DDAH1: variants seen among roughly 807,000 people sequenced by gnomAD.
DDAH1 encodes the protein dimethylarginine dimethylaminohydrolase 1, also known as N(G),N(G)-dimethylarginine dimethylaminohydrolase 1.
A neutral mutation model predicts 28.8 loss-of-function variants in DDAH1; 19 were observed. That is an observed-to-expected ratio of 0.66 (90% confidence interval 0.46 to 0.97). DDAH1 has a LOEUF of 0.97. DDAH1 is among the 50% of genes least tolerant of loss of function. The pLI is 0.00. For missense variants in DDAH1, 326 were observed against 375.9 expected (o/e 0.87, Z 1.10); for synonymous variants, 153 against 154.4 (o/e 0.99, Z 0.07).
chr1:85,519,147 G>T (rs1187475493), intron 1 of DDAH1, among the ~76,000 whole-genome samples: 1 of 137,916 alleles, frequency 7.3e-6, no homozygotes. Flanking sequence ...AGGCTGGAGT[G>T]CAGTGGCATG....
At chr1:85,332,551 TGGGCCCATG>T (rs1423706623) in intron 4 of DDAH1, among the ~76,000 whole-genome samples, 1 of 152,162 alleles carries the variant, frequency 6.6e-6, no homozygotes, top group African/African-American at 2.4e-5. Context: ...CACCACAGCC[TGGGCCCATG>T]GGCCCCATGG....
intron 1 of DDAH1, among the ~76,000 whole-genome samples, chr1:85,386,699 G>A (rs1039971485): frequency 6.6e-6 from 1 of 152,094 alleles, no homozygotes; most frequent in African/African-American, 2.4e-5. Context: ...ACCCCAGTGG[G>A]GACTCTGTGT....
chr1:85,552,506 G>C (rs577906429), intron 1 of DDAH1, among the ~76,000 whole-genome samples: 1 of 152,098 alleles, frequency 6.6e-6, no homozygotes, highest in African/African-American at 2.4e-5. Flanking sequence ...GTCCAACGAA[G>C]TCTAGCATAA....
chr1:85,459,107 G>T (rs1655021640), intron 1 of DDAH1, among the ~76,000 whole-genome samples: 1 of 152,222 alleles, frequency 6.6e-6, no homozygotes, highest in Non-Finnish European at 1.5e-5. Flanking sequence ...AAATCTGTTT[G>T]TTGAAAAGTT....
intron 4 of DDAH1, among the ~76,000 whole-genome samples, chr1:85,334,964 T>C (rs992306040): frequency 6.6e-6 from 1 of 152,120 alleles, no homozygotes; most frequent in Non-Finnish European, 1.5e-5. Context: ...AAGGACAAAT[T>C]CAGAGTTTCC....
rs866135588 is a variant in DDAH1, at chr1:85,401,558, C to T, written c.304-42711G>A. On this transcript the variant is annotated intron_variant, in intron 1 of 5. Transcript: ENST00000284031. ...TCTATTGCCCATGCTGGAGTACAGT[C>T]GCATGACCAAGGTTCACTGTCACCT... Among the ~76,000 whole-genome samples the T allele has an allele frequency of 4.3e-5, 6 of 140,220 alleles. No individual in the cohort carries two copies. The Admixed American group carries it at 4.6e-4, about 11-fold the overall frequency. The allele number at this position is 140,220 out of a possible 152,430, so 92.0% of individuals were successfully genotyped here.
intron 1 of DDAH1, among the ~76,000 whole-genome samples, chr1:85,457,737 C>T (rs1654953131): frequency 6.6e-6 from 1 of 152,166 alleles, no homozygotes; most frequent in African/African-American, 2.4e-5. Flanking sequence ...TTGCCCAGGC[C>T]GGAGTGCTGT....
chr1:85,331,438 T>TAA (rs1553122422), intron 4 of DDAH1, among the ~76,000 whole-genome samples: 6 of 151,284 alleles, frequency 4.0e-5, no homozygotes, highest in Non-Finnish European at 8.8e-5. Context: ...TATATATATA[T>TAA]AACATAATGT....
intron 1 of DDAH1, among the ~76,000 whole-genome samples, chr1:85,554,862 C>T (rs1463896043): frequency 6.6e-6 from 1 of 152,228 alleles, no homozygotes; most frequent in Non-Finnish European, 1.5e-5. Flanking sequence ...CCTGCACAGG[C>T]ATTTCTCAGT....
At chr1:85,444,170 T>C (rs908088906) in intron 1 of DDAH1, among the ~76,000 whole-genome samples, 8 of 152,232 alleles carry the variant, frequency 5.3e-5, no homozygotes, top group Non-Finnish European at 1.0e-4. Context: ...ATACCTCTTA[T>C]TATTTTGAAA....
At chr1:85,407,356 G>T (rs1005004657) in intron 1 of DDAH1, among the ~76,000 whole-genome samples, 2 of 152,158 alleles carry the variant, frequency 1.3e-5, no homozygotes, top group Non-Finnish European at 1.5e-5. Context: ...GATTTAGCTT[G>T]AGTGTGCAGG....
chr1:85,324,916 G>A (rs778581607), intron 4 of DDAH1, 33 bp from the exon 5 acceptor site: 5 of 1,609,136 alleles, frequency 3.1e-6, no homozygotes, highest in Non-Finnish European at 4.2e-6. Context: ...CCTAAGAAGA[G>A]TAACTCCCCA....
intron 1 of DDAH1, among the ~76,000 whole-genome samples, chr1:85,532,487 G>A (rs1489660902): frequency 2.6e-5 from 4 of 152,078 alleles, no homozygotes; most frequent in African/African-American, 9.7e-5. Flanking sequence ...CCACGTTTGC[G>A]ATGAATAAAA....
At chr1:85,408,736 AT>A (rs572647697) in intron 1 of DDAH1, among the ~76,000 whole-genome samples, 1 of 151,944 alleles carries the variant, frequency 6.6e-6, no homozygotes, top group Non-Finnish European at 1.5e-5. Flanking sequence ...AATTTAGCCT[AT>A]TTTTTTTAAC....
chr1:85,466,285 T>A (rs1025572734), upstream of DDAH1, among the ~76,000 whole-genome samples: 1 of 152,254 alleles, frequency 6.6e-6, no homozygotes, highest in East Asian at 1.9e-4. Flanking sequence ...AGTTTCACTC[T>A]TGTTGCCCAG....
In DDAH1 at chr1:85,464,599, C is replaced by T; in HGVS notation, c.303+144G>A. On this transcript the variant is annotated intron_variant, in intron 1 of 5. Transcript: ENST00000284031. This position sits in a 1 kb window ranked among gnomAD's most constrained non-coding sequence, Gnocchi z 4.4. Reference sequence around the variant, plus strand: ...TCTCTCTGACTCTCTGACACACACACACACACACACACTCGCCCCCCGACG... The same window carrying T: ...TCTCTCTGACTCTCTGACACACACATACACACACACACTCGCCCCCCGACG... 6.6e-7 allele frequency: 1 copy of T among 1,524,606 alleles called. No individual in the cohort carries two copies. Among genetic ancestry groups the T allele is most frequent in the Non-Finnish European group, 8.8e-7 (1 of 1,139,458 alleles). The allele number at this position is 1,524,606 out of a possible 1,614,324, so 94.4% of individuals were successfully genotyped here.
chr1:85,537,119 T>C (rs6683477), intron 1 of DDAH1, among the ~76,000 whole-genome samples: 7,169 of 151,452 alleles, frequency 0.047, 294 homozygotes, highest in East Asian at 0.14. Context: ...GGTGGGCATA[T>C]TGCTTGAGCT....
At chr1:85,531,393 C>G (rs1278882278) in intron 1 of DDAH1, among the ~76,000 whole-genome samples, 1 of 152,176 alleles carries the variant, frequency 6.6e-6, no homozygotes, top group Non-Finnish European at 1.5e-5. Context: ...AGGTTGCATT[C>G]TATAGATACA....
intron 1 of DDAH1, among the ~76,000 whole-genome samples, chr1:85,366,733 A>G (rs1368128112): frequency 6.6e-6 from 1 of 152,184 alleles, no homozygotes; most frequent in Non-Finnish European, 1.5e-5. Context: ...GATAGGGCAA[A>G]CCTAAAAGTG....
Sources: gnomAD v4.1 joint callset for allele counts (sites outside exome capture counted in the v4.1 genomes callset) on GRCh38, gnomAD v4.1.1 for gene constraint, Gnocchi (gnomAD v3.1) non-coding constraint, MANE v1.5 for transcripts, NCBI Gene and HGNC (gene_info 2026-07-23, HGNC 2026-07-21) for gene names.